Variants in ABCA12 observed in about 807,000 individuals in gnomAD.
ABCA12 encodes the protein glucosylceramide transporter ABCA12.
ABCA12 carries 156 observed loss-of-function variants against 293.5 expected under a neutral mutation model. The ratio of observed to expected loss-of-function variants is 0.53; its 90% confidence interval spans 0.47 to 0.61. ABCA12 has a LOEUF of 0.61. Among genes scored for constraint, ABCA12 ranks in the 20% least tolerant of loss-of-function variants. The pLI, the probability that ABCA12 is intolerant of heterozygous loss-of-function variation, is 0.00. For synonymous variants in ABCA12, 1,063 were observed against 1,108.0 expected, an observed-to-expected ratio of 0.96 and a Z score of 0.81; for missense variants, 2,797 against 3,090.2, an observed-to-expected ratio of 0.91 and a Z score of 2.25.
At chr2:215,012,512 A>C (rs1700400528) in intron 15 of ABCA12, among the ~76,000 whole-genome samples, 1 of 152,232 alleles carries the variant, frequency 6.6e-6, no homozygotes, top group Non-Finnish European at 1.5e-5. Context: ...ATATTAAGTG[A>C]ATAAGTGAAT....
rs960882854 is a variant in ABCA12, at chr2:214,975,951, G to A, written c.5215C>T (p.His1739Tyr). The change falls in exon 34 of 53, where the codon CAC becomes TAC. Residue 1739 changes from histidine (H) to tyrosine (Y), a missense_variant. This residue lies in a region of ABCA12 where 2,130 missense variants were observed against 2,427.0 expected (regional missense o/e 0.88). Transcript: ENST00000272895. The stretch of plus-strand genomic sequence containing the variant: ...AGACCTTTCCAGTTCCTGCGGGTGT[G>A]GTGGAACCTCTTGATGAGTATAGCC... ...IMAILIKRFH[H>Y]TRRNWKGLIA... The A allele has an allele frequency of 6.2e-7, 1 of 1,614,096 alleles. No homozygotes were observed.
intron 47 of ABCA12, chr2:214,947,821 G>A: frequency 2.2e-6 from 1 of 448,240 alleles, no homozygotes; most frequent in African/African-American, 2.0e-5. Context: ...GTTTACAATT[G>A]CAGATTGAAC....
chr2:215,130,263 G>T (rs1703025644), intron 1 of ABCA12, among the ~76,000 whole-genome samples: 1 of 151,712 alleles, frequency 6.6e-6, no homozygotes, highest in Non-Finnish European at 1.5e-5. Context: ...TGTGAAAAAT[G>T]ATGTTACTAA....
Position 215,085,388 on chromosome 2 carries a change from C to T in ABCA12, c.164-21169G>A, listed in dbSNP as rs528289145. On this transcript the variant is annotated intron_variant, in intron 2 of 52. Coordinates refer to ENST00000272895, the MANE Select transcript of ABCA12 (RefSeq NM_173076.3). ...ACTCAAAACCTGGTTCCAACTCTAC[C>T]ACCCTAAGACCTTGGCCCACTGACT... 4.6e-5 allele frequency: 7 copies of T among 152,268 alleles called. No individual in the cohort carries two copies. The East Asian group carries it at 1.4e-3, about 29-fold the overall frequency. 9.4% of individuals were successfully genotyped at this position (152,268 alleles called of 1,614,324 possible).
chr2:215,133,149 A>ATTTTTTTTTTTTTTTTTTTTTTTTT (rs55641331), intron 1 of ABCA12, among the ~76,000 whole-genome samples: 1 of 34,832 alleles, frequency 2.9e-5, no homozygotes, highest in Non-Finnish European at 7.1e-5. Context: ...GCTGGCTTTA[A>ATTTTTTTTTTTTTTTTTTTTTTTTT]TTTTTTTTTT....
At chr2:215,008,571 A>T (rs1700304231) in intron 18 of ABCA12, among the ~76,000 whole-genome samples, 1 of 152,202 alleles carries the variant, frequency 6.6e-6, no homozygotes, top group African/African-American at 2.4e-5. Flanking sequence ...GAGAAAAACT[A>T]TATATAAAAA....
intron 6 of ABCA12, among the ~76,000 whole-genome samples, chr2:215,049,130 C>A (rs1701265472): frequency 6.6e-6 from 1 of 152,090 alleles, no homozygotes; most frequent in Non-Finnish European, 1.5e-5. Context: ...TATAACAAAC[C>A]TGCAATATGT....
intron 2 of ABCA12, among the ~76,000 whole-genome samples, chr2:215,106,851 A>C (rs1190107575): frequency 1.3e-5 from 2 of 151,848 alleles, no homozygotes; most frequent in Admixed American, 1.3e-4. Flanking sequence ...TAACTCTGTG[A>C]TAATATAAAT....
intron 6 of ABCA12, among the ~76,000 whole-genome samples, chr2:215,046,669 C>T (rs10168004): frequency 0.14 from 21,731 of 151,608 alleles, 4,703 homozygotes; most frequent in African/African-American, 0.47. Context: ...AAGTACTTTA[C>T]ATTGGATTGG....
At chr2:214,989,189 T>TACATATATATATATATATATATATATAC (rs1454848051) in intron 26 of ABCA12, 140 bp downstream of exon 26, 1 of 111,090 alleles carries the variant, frequency 9.0e-6, no homozygotes, top group Non-Finnish European at 1.8e-5. Context: ...AATACATACA[T>TACATATATATATATATATATATATATAC]ATATATATAT....
chr2:215,048,098 G>A (rs1701239114), intron 6 of ABCA12, among the ~76,000 whole-genome samples: 1 of 152,028 alleles, frequency 6.6e-6, no homozygotes, highest in Admixed American at 6.6e-5. Context: ...TTAGAGAAAT[G>A]CAAATCAAAA....
chr2:214,943,660 A>C (rs1421358518), intron 49 of ABCA12, among the ~76,000 whole-genome samples: 1 of 152,182 alleles, frequency 6.6e-6, no homozygotes, highest in East Asian at 1.9e-4. Flanking sequence ...AAGTGTTTCC[A>C]AAATAACACT....
Position 214,954,115 on chromosome 2 carries a change from A to G in ABCA12, c.6394-8T>C. The G allele has an allele frequency of 6.2e-7, 1 of 1,612,900 alleles. No homozygotes were observed. The highest frequency in any genetic ancestry group is 1.3e-5 in the African/African-American group (1 of 75,026). On this transcript the variant is annotated splice_polypyrimidine_tract_variant and splice_region_variant and intron_variant, in intron 43 of 52. Transcript: ENST00000272895. ...AGAAATAAGTTCTAAAGTCTGAAATAAGAGAAATAAAAATAAAACTCAGTG... is the reference window on the plus strand; with the variant it reads ...AGAAATAAGTTCTAAAGTCTGAAATGAGAGAAATAAAAATAAAACTCAGTG...
In ABCA12 at chr2:215,064,079, G is replaced by C. The variant is rs1701589436; in HGVS notation, c.304C>G (p.Leu102Val). Residue 102 changes from leucine (L) to valine (V), a missense_variant, in exon 3 of 53, where the codon CTA (leucine) becomes GTA (valine). This residue lies in a region of ABCA12 where 656 missense variants were observed against 638.2 expected (regional missense o/e 1.03). Coordinates refer to ENST00000272895, the MANE Select transcript of ABCA12 (RefSeq NM_173076.3). ...LLRRKGIDDA[L>V]FKDSEILRKS... ...AAGTGCCCCCACCTGTCTTTAAATA[G>C]TGCATCATCAATTCCTTTCCTACGA... 1 of 1,612,672 alleles carries C rather than the reference G, an allele frequency of 6.2e-7. No homozygotes were observed. Among genetic ancestry groups the C allele is most frequent in the Non-Finnish European group, 8.5e-7 (1 of 1,179,116 alleles).
At chr2:215,027,071 G>A (rs765284141) in intron 9 of ABCA12, 133 bp from the exon 10 acceptor site, 247 of 674,138 alleles carry the variant, frequency 3.7e-4, no homozygotes, top group Non-Finnish European at 5.9e-4. Context: ...TTGGCCGGGC[G>A]CGGTGGCTCA....
Position 214,932,244 on chromosome 2 carries a change from A to G in ABCA12, c.*390T>C. 4.2e-6 allele frequency: 1 copy of G among 239,282 alleles called. No homozygotes were observed. The highest frequency in any genetic ancestry group is 5.5e-5 in the South Asian group (1 of 18,342). 14.8% of individuals were successfully genotyped at this position (239,282 alleles called of 1,614,324 possible). ...TTATGTTGTCTGCTTGCCCGGTGGC[A>G]CCTGCCACAAACCATCTGACTTTTC... On this transcript the variant is annotated 3_prime_UTR_variant, in exon 53 of 53. Coordinates refer to ENST00000272895, the MANE Select transcript of ABCA12 (RefSeq NM_173076.3).
At chr2:214,971,699 T>C (rs1699389532) in intron 36 of ABCA12, among the ~76,000 whole-genome samples, 1 of 152,230 alleles carries the variant, frequency 6.6e-6, no homozygotes, top group East Asian at 1.9e-4. Context: ...TATATACTAC[T>C]GTGGAAATAT....
At chr2:215,093,752 C>G (rs1039333289) in intron 2 of ABCA12, among the ~76,000 whole-genome samples, 4 of 152,246 alleles carry the variant, frequency 2.6e-5, no homozygotes, top group South Asian at 2.1e-4. Flanking sequence ...CTGGCTCCTT[C>G]AGCTGTACTC....
chr2:214,974,007 T>A lies in ABCA12; in HGVS notation c.5504A>T (p.Asn1835Ile), dbSNP rs1348831753. 6.2e-7 allele frequency: 1 copy of A among 1,614,074 alleles called. No individual in the cohort carries two copies. The highest frequency in any genetic ancestry group is 1.1e-5 in the South Asian group (1 of 91,082). The change falls in exon 36 of 53, where the codon AAC becomes ATC. Residue 1835 changes from asparagine (N) to isoleucine (I), a missense_variant. By Grantham distance (149) the Asn-to-Ile change is moderately radical. Coordinates refer to ENST00000272895, the MANE Select transcript of ABCA12 (RefSeq NM_173076.3). ...ATTAGTGATGGGTTCTCCACTGGTGTTCCATTTTTCCAGACTGTCTTTGTT... is the reference window on the plus strand; with the variant it reads ...ATTAGTGATGGGTTCTCCACTGGTGATCCATTTTTCCAGACTGTCTTTGTT... The part of the protein sequence containing the change: ...CLNKDSLEKW[N>I]TSGEPITNFG...
Sources: gnomAD v4.1 joint callset for allele counts (sites outside exome capture counted in the v4.1 genomes callset) on GRCh38, gnomAD v4.1.1 for gene constraint, gnomAD v4.1.1 regional missense constraint, MANE v1.5 for transcripts, NCBI Gene and HGNC (gene_info 2026-07-23, HGNC 2026-07-21) for gene names.